DNAH11: variants seen among roughly 807,000 people sequenced by gnomAD.
DNAH11 encodes the protein dynein axonemal heavy chain 11, also known as axonemal beta dynein heavy chain 11.
In DNAH11, 442 loss-of-function variants were observed where a neutral mutation model predicts 526.0. The observed-to-expected ratio is 0.84, with a 90% CI of 0.78 to 0.91. The LOEUF (loss-of-function observed/expected upper bound fraction) is 0.91, where lower values mean the gene tolerates loss of function less well. Among genes scored for constraint, DNAH11 ranks in the 40% least tolerant of loss-of-function variants. The pLI, the probability that DNAH11 is intolerant of heterozygous loss-of-function variation, is 0.00. For synonymous variants in DNAH11, 2,461 were observed against 1,935.9 expected, an observed-to-expected ratio of 1.27 and a Z score of -7.12; for missense variants, 6,989 against 5,448.7, an observed-to-expected ratio of 1.28 and a Z score of -8.90.
chr7:21,724,901 T>C (rs1785034342), intron 44 of DNAH11, among the ~76,000 whole-genome samples: 1 of 151,816 alleles, frequency 6.6e-6, no homozygotes, highest in African/African-American at 2.4e-5. Context: ...GATTATCCTA[T>C]GGATATAGGA....
intron 65 of DNAH11, among the ~76,000 whole-genome samples, chr7:21,837,872 G>T (rs1169221142): frequency 6.6e-6 from 1 of 152,098 alleles, no homozygotes; most frequent in African/African-American, 2.4e-5. Flanking sequence ...TCAATGAGAT[G>T]ATGGATATGC....
intron 18 of DNAH11, among the ~76,000 whole-genome samples, chr7:21,603,462 C>G (rs1006715749): frequency 2.0e-5 from 3 of 152,148 alleles, no homozygotes; most frequent in African/African-American, 7.2e-5. Flanking sequence ...CTATATTTAA[C>G]TTTTTGAGCC....
chr7:21,894,265 T>A (rs1175923894), intron 77 of DNAH11, among the ~76,000 whole-genome samples: 1 of 152,134 alleles, frequency 6.6e-6, no homozygotes, highest in Non-Finnish European at 1.5e-5. Flanking sequence ...AATAGGCTTC[T>A]ACTTCCTCTG....
In DNAH11 at chr7:21,750,264, T is replaced by TAATTTCTGG. The variant is rs1399543390; in HGVS notation, c.8845_8853dup (p.Ser2949_Ile2951dup). On this transcript the variant is annotated inframe_insertion, in exon 54 of 82. Transcript: ENST00000409508. ...TTCAGCGATGAAGATGTGGACAAGA[T>TAATTTCTGG]AATTTCTGGAATTCATAATGAAGTT... is the stretch of plus-strand genomic sequence containing the variant. 1.9e-6 allele frequency: 3 copies of TAATTTCTGG among 1,605,984 alleles called. No homozygotes were observed. The African/African-American group carries it at 4.0e-5, about 21-fold the overall frequency.
chr7:21,730,422 T>C (rs1344803943), intron 45 of DNAH11, among the ~76,000 whole-genome samples: 3 of 152,210 alleles, frequency 2.0e-5, no homozygotes, highest in Non-Finnish European at 4.4e-5. Context: ...GTAAGTATAA[T>C]GCAAATGTCC....
At chr7:21,825,463 A>G (rs1041806318) in intron 65 of DNAH11, among the ~76,000 whole-genome samples, 1 of 152,218 alleles carries the variant, frequency 6.6e-6, no homozygotes, top group Non-Finnish European at 1.5e-5. Context: ...AGTGTTTAGA[A>G]ATGTACATGC....
rs772659566 is a variant in DNAH11 at position 21,738,694 on chromosome 7, A to C, written c.7646-7A>C. On this transcript the variant is annotated splice_polypyrimidine_tract_variant and splice_region_variant and intron_variant, in intron 46 of 81. Transcript: ENST00000409508. ...GATGGGTGGACAGAAATATATGTTT[A>C]TTTCAGAAATTCTTGAGAAACCCCT... 72 of 1,559,748 alleles carry C rather than the reference A, an allele frequency of 4.6e-5. No homozygotes were observed. The highest frequency in any genetic ancestry group is 6.2e-5 in the Non-Finnish European group (72 of 1,153,224).
chr7:21,658,794 A>G lies in DNAH11; in HGVS notation c.5095-4A>G. On this transcript the variant is annotated splice_region_variant and splice_polypyrimidine_tract_variant and intron_variant, in intron 29 of 81. Coordinates refer to ENST00000409508, the MANE Select transcript of DNAH11 (RefSeq NM_001277115.2). ...TGTTATAACATTTCAACTTGCTTCC[A>G]AAGGTGGAAACATGGCTTCTGCAAC... The G allele has an allele frequency of 6.4e-7, 1 of 1,564,246 alleles. No homozygotes were observed. The highest frequency in any genetic ancestry group is 8.7e-7 in the Non-Finnish European group (1 of 1,153,598).
intron 77 of DNAH11, among the ~76,000 whole-genome samples, chr7:21,894,169 G>C (rs550249122): frequency 6.6e-6 from 1 of 152,124 alleles, no homozygotes; most frequent in South Asian, 2.1e-4. Flanking sequence ...GATTACAGGC[G>C]TGAGCCACTG....
At chr7:21,886,278 C>A (rs948230168) in intron 76 of DNAH11, among the ~76,000 whole-genome samples, 6 of 152,008 alleles carry the variant, frequency 3.9e-5, no homozygotes, top group Non-Finnish European at 5.9e-5. Flanking sequence ...TCACTAAAAT[C>A]ATATTAGTCT....
intron 66 of DNAH11, among the ~76,000 whole-genome samples, chr7:21,843,343 G>A (rs1443161280): frequency 6.6e-6 from 1 of 152,098 alleles, no homozygotes; most frequent in Non-Finnish European, 1.5e-5. Flanking sequence ...GCAAGAAGGG[G>A]TGAGGAAGTG....
At chr7:21,737,735 G>C (rs1458851591) in intron 46 of DNAH11, among the ~76,000 whole-genome samples, 2 of 152,122 alleles carry the variant, frequency 1.3e-5, no homozygotes, top group Admixed American at 1.3e-4. Context: ...CTGCCTGACT[G>C]GGCATGTTAA....
intron 44 of DNAH11, among the ~76,000 whole-genome samples, chr7:21,721,586 C>T (rs552757079): frequency 1.3e-5 from 2 of 152,302 alleles, no homozygotes; most frequent in African/African-American, 2.4e-5. Context: ...GCCACTTTCC[C>T]GCTGTGTCCC....
chr7:21,589,716 CAGTT>C (rs1185554443), intron 12 of DNAH11, among the ~76,000 whole-genome samples: 2 of 152,078 alleles, frequency 1.3e-5, no homozygotes, highest in South Asian at 2.1e-4. Flanking sequence ...TACTTGGTGA[CAGTT>C]AGTAAATGTT....
chr7:21,804,086 TG>T (rs1217702445), intron 62 of DNAH11, among the ~76,000 whole-genome samples: 2 of 7,282 alleles, frequency 2.7e-4, no homozygotes, highest in Non-Finnish European at 8.1e-4. Context: ...TAGTTTTTTT[TG>T]TTTTGTTTTG....
At chr7:21,629,907 C>A (rs1399000803) in intron 25 of DNAH11, among the ~76,000 whole-genome samples, 2 of 151,956 alleles carry the variant, frequency 1.3e-5, no homozygotes, top group Non-Finnish European at 2.9e-5. Flanking sequence ...ATAATTGAGT[C>A]CATTTATGGT....
At chr7:21,620,225 C>G (rs1562706474) in intron 25 of DNAH11, 147 bp downstream of exon 25, 2 of 719,470 alleles carry the variant, frequency 2.8e-6, no homozygotes, top group Non-Finnish European at 2.1e-6. Flanking sequence ...ATACACTTAA[C>G]ATTTTTTTTG....
chr7:21,724,664 C>G (rs138198532), intron 44 of DNAH11, among the ~76,000 whole-genome samples: 75 of 149,388 alleles, frequency 5.0e-4, no homozygotes, highest in Admixed American at 1.3e-3. Context: ...CCAGGTCATC[C>G]TATGAATATA....
intron 9 of DNAH11, among the ~76,000 whole-genome samples, chr7:21,583,395 C>T (rs569728111): frequency 5.4e-4 from 82 of 152,204 alleles, no homozygotes; most frequent in Non-Finnish European, 8.4e-4. Flanking sequence ...ATGCAGAAAA[C>T]GGAAACTGGA....
Sources: gnomAD v4.1 joint callset for allele counts (sites outside exome capture counted in the v4.1 genomes callset) on GRCh38, gnomAD v4.1.1 for gene constraint, MANE v1.5 for transcripts, NCBI Gene and HGNC (gene_info 2026-07-23, HGNC 2026-07-21) for gene names.